XKR9: variants seen among roughly 807,000 people sequenced by gnomAD.
XKR9 encodes the protein XK related 9, also known as XK-related protein 9.
XKR9 carries 32 observed loss-of-function variants against 32.0 expected under a neutral mutation model. That is an observed-to-expected ratio of 1.00 (90% CI 0.76 to 1.34). XKR9 has a LOEUF of 1.34. Among genes scored for constraint, XKR9 ranks in the 40% most tolerant of loss-of-function variants. The pLI is 0.00. For synonymous variants in XKR9, 168 were observed against 143.4 expected (o/e 1.17, Z -1.22); for missense variants, 546 against 429.7 (o/e 1.27, Z -2.39).
the XKR9 span, among the ~76,000 whole-genome samples, chr8:70,853,017 A>C: frequency 6.6e-6 from 1 of 152,072 alleles, no homozygotes; most frequent in Admixed American, 6.6e-5. Context: ...AAGAAATAAA[A>C]GAAAATAAAA....
intron 4 of XKR9, among the ~76,000 whole-genome samples, chr8:70,723,057 C>G (rs1190907408): frequency 4.6e-5 from 7 of 151,804 alleles, no homozygotes; most frequent in Non-Finnish European, 8.8e-5. Flanking sequence ...GATCTTCAAA[C>G]TCTGATATTG....
chr8:70,979,107 T>C, the XKR9 span, among the ~76,000 whole-genome samples: 1 of 152,204 alleles, frequency 6.6e-6, no homozygotes, highest in Non-Finnish European at 1.5e-5. Context: ...AGGTCTTCTC[T>C]ACACTGCTTG....
the XKR9 span, among the ~76,000 whole-genome samples, chr8:70,812,346 G>T: frequency 1.3e-5 from 2 of 152,164 alleles, no homozygotes; most frequent in Non-Finnish European, 2.9e-5. Context: ...GACTGAATGG[G>T]CAAAAACTGG....
chr8:70,813,125 C>G, the XKR9 span, among the ~76,000 whole-genome samples: 1 of 152,120 alleles, frequency 6.6e-6, no homozygotes, highest in Non-Finnish European at 1.5e-5. Context: ...ACAGAGCCCT[C>G]AGAAATAATG....
In XKR9 at chr8:70,735,150, G is replaced by A. The variant is rs1806823289; in HGVS notation, c.*726G>A. On this transcript the variant is annotated 3_prime_UTR_variant, in exon 5 of 5. Coordinates refer to ENST00000408926, the MANE Select transcript of XKR9 (RefSeq NM_001011720.2). ...AAATTTACCATCTTAATCACTTTGA[G>A]TGTACAGTTCATCAGTGTTAACTGT... 7 of 152,000 alleles carry A rather than the reference G, an allele frequency of 4.6e-5. No individual in the cohort carries two copies. In the South Asian group the frequency reaches 1.4e-3, roughly 31 times the overall value. The allele number at this position is 152,000 out of a possible 1,614,324, so 9.4% of individuals were successfully genotyped here.
intron 2 of XKR9, among the ~76,000 whole-genome samples, chr8:70,764,363 C>G (rs544861200): frequency 6.6e-6 from 1 of 152,234 alleles, no homozygotes; most frequent in South Asian, 2.1e-4. Flanking sequence ...AAAAGTTTCT[C>G]CTCTCTGGAA....
chr8:71,011,955 A>C, the XKR9 span, among the ~76,000 whole-genome samples: 1 of 152,006 alleles, frequency 6.6e-6, no homozygotes, highest in Non-Finnish European at 1.5e-5. Flanking sequence ...TCTTATATAC[A>C]CTTGCTTTCA....
chr8:70,958,555 T>C, the XKR9 span, among the ~76,000 whole-genome samples: 1 of 152,236 alleles, frequency 6.6e-6, no homozygotes, highest in Non-Finnish European at 1.5e-5. Context: ...GGGTTGTTTT[T>C]ATCTTGTAGA....
At chr8:70,939,070 T>G in the XKR9 span, among the ~76,000 whole-genome samples, 1 of 151,882 alleles carries the variant, frequency 6.6e-6, no homozygotes, top group Non-Finnish European at 1.5e-5. Context: ...CAGCCTTATC[T>G]CCCATTAAAA....
the XKR9 span, among the ~76,000 whole-genome samples, chr8:70,921,316 T>A: frequency 6.6e-6 from 1 of 152,170 alleles, no homozygotes; most frequent in Non-Finnish European, 1.5e-5. Context: ...TCAGGGACCC[T>A]CCATGATGAA....
chr8:70,902,280 C>G, the XKR9 span, among the ~76,000 whole-genome samples: 1 of 152,148 alleles, frequency 6.6e-6, no homozygotes, highest in South Asian at 2.1e-4. Flanking sequence ...TCTTCCTATC[C>G]ATGAGCATGG....
chr8:70,933,147 G>T, the XKR9 span, among the ~76,000 whole-genome samples: 3 of 152,114 alleles, frequency 2.0e-5, no homozygotes, highest in Non-Finnish European at 4.4e-5. Context: ...GTGGGTAAAT[G>T]AGGGGCTCCT....
the XKR9 span, among the ~76,000 whole-genome samples, chr8:71,020,103 A>G: frequency 1.3e-5 from 2 of 152,164 alleles, no homozygotes; most frequent in African/African-American, 4.8e-5. Context: ...ATTTCTCAGT[A>G]CCTGAATTGG....
chr8:70,706,807 A>T, intron 3 of XKR9, 126 bp from the exon 4 acceptor site: 1 of 762,508 alleles, frequency 1.3e-6, no homozygotes, highest in Non-Finnish European at 2.1e-6. Context: ...AATCTGTAGT[A>T]GAGAGAGTTT....
intron 2 of XKR9, among the ~76,000 whole-genome samples, chr8:70,780,671 C>A (rs1177172031): frequency 6.6e-6 from 1 of 152,112 alleles, no homozygotes; most frequent in African/African-American, 2.4e-5. Flanking sequence ...GCCTCCAGAA[C>A]TATGAGAGAC....
At chr8:70,693,155 A>G (rs936268058) in intron 3 of XKR9, among the ~76,000 whole-genome samples, 1 of 152,092 alleles carries the variant, frequency 6.6e-6, no homozygotes, top group Non-Finnish European at 1.5e-5. Flanking sequence ...TGTATTGGCT[A>G]TTTCTCATCT....
At chr8:70,812,895 C>A in the XKR9 span, among the ~76,000 whole-genome samples, 1 of 152,130 alleles carries the variant, frequency 6.6e-6, no homozygotes, top group African/African-American at 2.4e-5. Flanking sequence ...TCAATGTCAT[C>A]CCCATCAAGA....
chr8:70,928,727 T>G, the XKR9 span, among the ~76,000 whole-genome samples: 1 of 152,148 alleles, frequency 6.6e-6, no homozygotes, highest in African/African-American at 2.4e-5. Flanking sequence ...CTGGCCAAGC[T>G]TGTCAGACTC....
chr8:70,842,343 A>T, the XKR9 span, among the ~76,000 whole-genome samples: 1 of 152,170 alleles, frequency 6.6e-6, no homozygotes, highest in Non-Finnish European at 1.5e-5. Flanking sequence ...GTATTAGGCT[A>T]ATCTTCTACT....
Sources: gnomAD v4.1 joint callset for allele counts (sites outside exome capture counted in the v4.1 genomes callset) on GRCh38, gnomAD v4.1.1 for gene constraint, MANE v1.5 for transcripts, NCBI Gene and HGNC (gene_info 2026-07-23, HGNC 2026-07-21) for gene names.